The following VSIG1 variants were observed in gnomAD, a reference collection of about 807,000 sequenced individuals.
VSIG1 encodes V-set and immunoglobulin domain-containing protein 1.
A neutral mutation model predicts 20.1 loss-of-function variants in VSIG1; 11 were observed. The observed-to-expected ratio is 0.55, with a 90% CI of 0.34 to 0.91. VSIG1 has a LOEUF of 0.91. Among genes scored for constraint, VSIG1 ranks in the 40% least tolerant of loss-of-function variants. VSIG1 has a pLI of 0.02. For synonymous variants in VSIG1, 126 were observed against 116.7 expected (o/e 1.08, Z -0.52); for missense variants, 283 against 298.8 (o/e 0.95, Z 0.39).
chrX:108,021,318 G>A, the VSIG1 span, among the ~76,000 whole-genome samples: 1 of 111,462 alleles, frequency 9.0e-6, no homozygotes, highest in Non-Finnish European at 1.9e-5. Context: ...TCTCAATGCC[G>A]TATATTTGTT....
chrX:108,022,075 G>A, the VSIG1 span, among the ~76,000 whole-genome samples: 6 of 111,294 alleles, frequency 5.4e-5, no homozygotes, highest in South Asian at 1.1e-3. Context: ...TCAGCTTGTC[G>A]ATTTCTCTAA....
At chrX:108,036,840 CA>C in the VSIG1 span, among the ~76,000 whole-genome samples, 1 of 111,847 alleles carries the variant, frequency 8.9e-6, no homozygotes, top group Non-Finnish European at 1.9e-5. Flanking sequence ...ACATTAGGTT[CA>C]TCACTGAGAA....
At chrX:108,064,425 G>A (rs898047624) in intron 2 of VSIG1, among the ~76,000 whole-genome samples, 1 of 111,588 alleles carries the variant, frequency 9.0e-6, no homozygotes. Context: ...AGGTTCCAGG[G>A]CCTCATTGCT....
chrX:108,051,735 T>C (rs1003720283), intron 1 of VSIG1, among the ~76,000 whole-genome samples: 1 of 110,472 alleles, frequency 9.1e-6, no homozygotes, highest in East Asian at 2.8e-4. Context: ...CAACAATCAA[T>C]TAACATTATC....
chrX:108,053,902 GA>G (rs1180027959), intron 1 of VSIG1, among the ~76,000 whole-genome samples: 1 of 111,050 alleles, frequency 9.0e-6, no homozygotes, highest in Non-Finnish European at 1.9e-5. Flanking sequence ...GTGTATGGGG[GA>G]AAAATATATA....
intron 1 of VSIG1, among the ~76,000 whole-genome samples, chrX:108,055,235 G>A (rs2030871006): frequency 9.0e-6 from 1 of 111,044 alleles, no homozygotes; most frequent in African/African-American, 3.3e-5. Flanking sequence ...ATCCAAAGCA[G>A]CAAACTACTA....
At chrX:108,049,182 T>A (rs2030731438) in intron 1 of VSIG1, among the ~76,000 whole-genome samples, 1 of 112,704 alleles carries the variant, frequency 8.9e-6, no homozygotes, top group Admixed American at 9.4e-5. Context: ...CTTTAAAATT[T>A]GAAATTACCA....
chrX:108,047,961 C>CATATATATATAT (rs1172282311), intron 1 of VSIG1, among the ~76,000 whole-genome samples: 1 of 19,940 alleles, frequency 5.0e-5, no homozygotes, highest in Non-Finnish European at 7.6e-5. Flanking sequence ...TATACACACA[C>CATATATATATAT]ATATATATAT....
the VSIG1 span, among the ~76,000 whole-genome samples, chrX:108,036,112 C>T: frequency 2.0e-5 from 2 of 100,437 alleles, no homozygotes; most frequent in Non-Finnish European, 4.0e-5. Context: ...TCACAGGTAC[C>T]ATTAATCAGT....
chrX:108,046,549 G>A (rs973538646), intron 1 of VSIG1, among the ~76,000 whole-genome samples: 144 of 107,968 alleles, frequency 1.3e-3, no homozygotes, highest in Non-Finnish European at 2.5e-3. Flanking sequence ...CGGTTGTTAA[G>A]AACAGTTTTT....
chrX:108,059,831 G>A (rs1166558101), intron 2 of VSIG1, among the ~76,000 whole-genome samples: 1 of 112,575 alleles, frequency 8.9e-6, no homozygotes, highest in Non-Finnish European at 1.9e-5. Flanking sequence ...ATTTTGCCAG[G>A]TGGGGCTGGA....
rs112856280 is a variant in VSIG1, at chrX:108,046,024, C to A, written c.49+845C>A. ...ATTAAGTGAAAAAGCAGGATGCACA[C>A]ATATGCCTAGAATAAATTACTAGAA... On this transcript the variant is annotated intron_variant, in intron 1 of 6. Transcript: ENST00000217957. Among the ~76,000 whole-genome samples the A allele has an allele frequency of 3.1e-3, 343 of 111,253 alleles. 1 individual carries two copies. The Middle Eastern group carries it at 0.032, about 10-fold the overall frequency.
At chrX:108,042,452 T>C (rs749144252), upstream of VSIG1, among the ~76,000 whole-genome samples, 3 of 112,114 alleles carry the variant, frequency 2.7e-5, no homozygotes, top group Admixed American at 1.9e-4. Context: ...CTGTTTATGC[T>C]GTCTTTCCCA....
intron 1 of VSIG1, among the ~76,000 whole-genome samples, chrX:108,048,282 C>T (rs1173606663): frequency 1.8e-5 from 2 of 109,917 alleles, no homozygotes; most frequent in Non-Finnish European, 3.8e-5. Context: ...GGATTACAGG[C>T]GTGAGCCACT....
chrX:108,076,951 C>T (rs2031359957), intron 6 of VSIG1, 97 bp from the exon 7 acceptor site: 1 of 839,955 alleles, frequency 1.2e-6, no homozygotes, highest in Non-Finnish European at 1.7e-6. Flanking sequence ...AAGTCTGGGA[C>T]CTATGGTCAT....
At chrX:108,051,141 C>T (rs2030776604) in intron 1 of VSIG1, among the ~76,000 whole-genome samples, 1 of 111,059 alleles carries the variant, frequency 9.0e-6, no homozygotes, top group Non-Finnish European at 1.9e-5. Context: ...CTCCCCAGGC[C>T]TGAGATGTCC....
At chrX:108,059,625 A>G (rs2147925782) in intron 2 of VSIG1, among the ~76,000 whole-genome samples, 1 of 112,467 alleles carries the variant, frequency 8.9e-6, no homozygotes, top group South Asian at 3.7e-4. Flanking sequence ...TGCTTCTACC[A>G]GTTTCCATCA....
upstream of VSIG1, among the ~76,000 whole-genome samples, chrX:108,040,000 G>A (rs1362737201): frequency 1.8e-5 from 2 of 111,223 alleles, no homozygotes; most frequent in Non-Finnish European, 3.8e-5. Flanking sequence ...AGGAAGGCAT[G>A]AAACTCAGAA....
chrX:108,058,513 C>G lies in VSIG1; in HGVS notation c.213+312C>G, dbSNP rs971855724. 2.1e-4 allele frequency among the ~76,000 whole-genome samples: 23 copies of G among 111,814 alleles called. 1 individual carries two copies. Among genetic ancestry groups the G allele is most frequent in the African/African-American group, 7.5e-4 (23 of 30,731 alleles). On this transcript the variant is annotated intron_variant, in intron 2 of 6. Coordinates refer to ENST00000217957, the MANE Select transcript of VSIG1 (RefSeq NM_182607.5). ...GAAATTAATAGTAATTCTGAAAGGG[C>G]TCCCCCTCCACCTTTATCTCCCTAT... is the stretch of plus-strand genomic sequence containing the variant.
Sources: allele counts gnomAD v4.1 joint callset (sites outside exome capture counted in the v4.1 genomes callset), GRCh38; gene constraint gnomAD v4.1.1; transcripts MANE v1.5; gene names NCBI Gene and HGNC (gene_info 2026-07-23, HGNC 2026-07-21).